RNF150: variants seen among roughly 807,000 people sequenced by gnomAD.
RNF150 encodes ring finger protein 150.
Under a neutral mutation model 39.3 loss-of-function variants are expected in RNF150, and 24 were observed. The ratio of observed to expected loss-of-function variants is 0.61; its 90% CI spans 0.44 to 0.86. The LOEUF is 0.86. Among genes scored for constraint, RNF150 ranks in the 40% least tolerant of loss-of-function variants. The pLI is 0.00. For synonymous variants in RNF150, 255 were observed against 227.3 expected, an observed-to-expected ratio of 1.12 and a Z score of -1.10; for missense variants, 502 against 587.8, an observed-to-expected ratio of 0.85 and a Z score of 1.51.
intron 1 of RNF150, among the ~76,000 whole-genome samples, chr4:141,164,426 A>G (rs939709830): frequency 1.3e-5 from 2 of 152,202 alleles, no homozygotes; most frequent in Admixed American, 6.5e-5. Flanking sequence ...AAGGCAGGCC[A>G]ACATTCAAAT....
intron 1 of RNF150, among the ~76,000 whole-genome samples, chr4:140,991,206 T>A (rs1734186464): frequency 6.6e-6 from 1 of 152,200 alleles, no homozygotes; most frequent in African/African-American, 2.4e-5. Flanking sequence ...TGTTTTTTTC[T>A]TGTAAATTTG....
rs906744456 is a variant in RNF150, at chr4:140,967,211, G to T, written c.735+412C>A. On this transcript the variant is annotated intron_variant, in intron 2 of 6. Transcript: ENST00000515673. ...CATTATACGCCATGTGATACTTTTTGCATTTTGTACCATGGGTATACATGA... is the reference window on the plus strand; with the variant it reads ...CATTATACGCCATGTGATACTTTTTTCATTTTGTACCATGGGTATACATGA... Among the ~76,000 whole-genome samples the T allele has an allele frequency of 6.6e-5, 10 of 152,170 alleles. 1 individual carries two copies. Among genetic ancestry groups the T allele is most frequent in the Middle Eastern group, 6.8e-3 (2 of 294 alleles).
rs1198444461 is a variant in RNF150, at chr4:140,861,392, TAG to T, written c.*6867_*6868del. The T allele has an allele frequency of 2.0e-5, 3 of 151,990 alleles. No homozygotes were observed. The allele number at this position is 151,990 out of a possible 1,614,324, so 9.4% of individuals were successfully genotyped here. ...ATCTGTGGGGTCTCCTTCAGCTTTT[TAG>T]AGTTTGTGACACTCTTTCCTCATTT... On this transcript the variant is annotated 3_prime_UTR_variant, in exon 7 of 7. Coordinates refer to ENST00000515673, the MANE Select transcript of RNF150 (RefSeq NM_020724.2).
Position 141,132,792 on chromosome 4 carries a change from A to T in RNF150, c.17T>A (p.Ile6Asn), listed in dbSNP as rs748232724. MAMSL[I>N]QACCSLALST... ...GAGAGCCAGACTGCAGCACGCTTGG[A>T]TGAGAGACATTGCCATCTTTATCCG... Residue 6 changes from isoleucine to asparagine, a missense_variant, in exon 1 of 7, where the codon ATC becomes AAC. Transcript: ENST00000515673. The surrounding 1 kb of genome is among the most constrained non-coding windows in gnomAD (Gnocchi z 4.9). The T allele has an allele frequency of 3.7e-5, 59 of 1,607,266 alleles. No homozygotes were observed. The highest frequency in any genetic ancestry group is 2.5e-6 in the Non-Finnish European group (3 of 1,176,824).
rs142516455 is a variant in RNF150 at position 140,879,026 on chromosome 4, A to G, written c.1199-10647T>C. Among the ~76,000 whole-genome samples, 294 of 152,252 alleles carry G rather than the reference A, an allele frequency of 1.9e-3. 1 individual carries two copies. Among genetic ancestry groups the G allele is most frequent in the African/African-American group, 6.9e-3 (286 of 41,548 alleles). On this transcript the variant is annotated intron_variant, in intron 6 of 6. Transcript: ENST00000515673. ...TTTTTGACACTATCCTTCCACCACTATGTAGTCTTGGCTCACTGTTGAGGA... is the reference window on the plus strand; with the variant it reads ...TTTTTGACACTATCCTTCCACCACTGTGTAGTCTTGGCTCACTGTTGAGGA...
intron 6 of RNF150, among the ~76,000 whole-genome samples, chr4:140,905,522 T>C (rs1161471020): frequency 1.3e-5 from 2 of 151,972 alleles, no homozygotes; most frequent in Non-Finnish European, 2.9e-5. Context: ...CCATCACCCA[T>C]CTTGAGGCAA....
intron 1 of RNF150, among the ~76,000 whole-genome samples, chr4:141,166,048 A>G (rs1342565847): frequency 1.3e-5 from 2 of 152,132 alleles, no homozygotes; most frequent in Admixed American, 6.5e-5. Context: ...TAGATAGACT[A>G]CTAGCCAAAC....
At chr4:140,994,549 G>T (rs1734300371) in intron 1 of RNF150, among the ~76,000 whole-genome samples, 1 of 152,078 alleles carries the variant, frequency 6.6e-6, no homozygotes, top group African/African-American at 2.4e-5. Flanking sequence ...GGCTAATATT[G>T]AACAGTGACC....
chr4:141,126,187 G>T (rs1314348501), intron 1 of RNF150, among the ~76,000 whole-genome samples: 1 of 152,106 alleles, frequency 6.6e-6, no homozygotes, highest in Non-Finnish European at 1.5e-5. Flanking sequence ...TAGCCAGACT[G>T]CATGTATCTT....
intron 4 of RNF150, 56 bp downstream of exon 4, chr4:140,947,598 C>CGCAG: frequency 7.4e-7 from 1 of 1,349,274 alleles, no homozygotes; most frequent in Non-Finnish European, 1.1e-6. Context: ...AGGGAGGCCA[C>CGCAG]GCAGGCACGC....
At chr4:141,105,681 CCT>C (rs1201273724) in intron 1 of RNF150, among the ~76,000 whole-genome samples, 2 of 152,140 alleles carry the variant, frequency 1.3e-5, no homozygotes, top group Non-Finnish European at 2.9e-5. Context: ...TTCCATACAT[CCT>C]CTCTTTCTTG....
At chr4:141,002,525 C>T (rs1364892) in intron 1 of RNF150, among the ~76,000 whole-genome samples, 134,279 of 152,228 alleles carry the variant, frequency 0.88, 59,652 homozygotes, top group East Asian at 1. Flanking sequence ...AATACTTCCC[C>T]TGTGAGTTGC....
intron 2 of RNF150, among the ~76,000 whole-genome samples, chr4:140,955,457 C>T (rs187752307): frequency 7.2e-5 from 11 of 152,288 alleles, no homozygotes; most frequent in Admixed American, 6.5e-4. Flanking sequence ...GTCACTTAAA[C>T]ACTGTGGCCC....
intron 1 of RNF150, among the ~76,000 whole-genome samples, chr4:141,065,421 TAGAA>T (rs1248008569): frequency 2.0e-5 from 3 of 152,166 alleles, no homozygotes; most frequent in African/African-American, 7.2e-5. Flanking sequence ...ATGAAACTAT[TAGAA>T]AGAGTTTACA....
intron 1 of RNF150, among the ~76,000 whole-genome samples, chr4:141,044,947 C>T (rs373893289): frequency 7.3e-4 from 111 of 152,286 alleles, no homozygotes; most frequent in African/African-American, 1.8e-3. Context: ...TTTTTCTTTA[C>T]GGAGTATTTA....
chr4:141,132,437 G>A lies in RNF150; in HGVS notation c.372C>T (p.Gly124=). 1 of 1,610,432 alleles carries A rather than the reference G, an allele frequency of 6.2e-7. No individual in the cohort carries two copies. The highest frequency in any genetic ancestry group is 8.5e-7 in the Non-Finnish European group (1 of 1,178,832). The change falls in exon 1 of 7, where the codon GGC becomes GGT. Residue 124 remains glycine (G), a synonymous_variant. Transcript: ENST00000515673. This position sits in a 1 kb window ranked among gnomAD's most constrained non-coding sequence, Gnocchi z 4.9. Reference sequence around the variant, plus strand: ...GGATCTTATCCCTGTACGTGCAGTTGCCCTTGGGGATGAGGGCTATCCAGT... The same window carrying A: ...GGATCTTATCCCTGTACGTGCAGTTACCCTTGGGGATGAGGGCTATCCAGT... ...GKNWIALIPK[G]NCTYRDKIRN...
chr4:140,975,430 G>A (rs1361347078), intron 1 of RNF150, among the ~76,000 whole-genome samples: 1 of 152,108 alleles, frequency 6.6e-6, no homozygotes, highest in Non-Finnish European at 1.5e-5. Flanking sequence ...GGAAGATGGA[G>A]GCAAGACTGT....
chr4:140,938,623 T>C (rs1244418587), intron 4 of RNF150, among the ~76,000 whole-genome samples: 1 of 152,206 alleles, frequency 6.6e-6, no homozygotes, highest in African/African-American at 2.4e-5. Flanking sequence ...GTGTGGGCAC[T>C]GTGCTGTCAC....
chr4:141,117,810 C>T (rs984642415), intron 1 of RNF150, among the ~76,000 whole-genome samples: 6 of 152,306 alleles, frequency 3.9e-5, no homozygotes, highest in East Asian at 1.9e-4. Flanking sequence ...TGGCAATTCT[C>T]GTCCTTCTAT....
Sources: gnomAD v4.1 joint callset for allele counts (sites outside exome capture counted in the v4.1 genomes callset) on GRCh38, gnomAD v4.1.1 for gene constraint, Gnocchi (gnomAD v3.1) non-coding constraint, MANE v1.5 for transcripts, NCBI Gene and HGNC (gene_info 2026-07-23, HGNC 2026-07-21) for gene names.